Variants in DNAJB6 observed in about 807,000 individuals in gnomAD.
DNAJB6 encodes the protein dnaJ homolog subfamily B member 6.
DNAJB6 carries 16 observed loss-of-function variants against 42.7 expected under a neutral mutation model. That is an observed-to-expected ratio of 0.37 (90% CI 0.25 to 0.57). The LOEUF (loss-of-function observed/expected upper bound fraction) is 0.57, where lower values mean the gene tolerates loss of function less well. DNAJB6 is among the 20% of genes least tolerant of loss of function. The pLI is 0.74. For synonymous variants in DNAJB6, 170 were observed against 163.5 expected (o/e 1.04, Z -0.30); for missense variants, 347 against 416.8 (o/e 0.83, Z 1.46).
intron 2 of DNAJB6, 121 bp downstream of exon 2, chr7:157,358,758 C>T: frequency 1.3e-6 from 1 of 748,566 alleles, no homozygotes; most frequent in Non-Finnish European, 2.3e-6. Context: ...TCTTTGAATG[C>T]CACATAGTTT....
chr7:157,412,442 A>G, intron 9 of DNAJB6: 1 of 152,372 alleles, frequency 6.6e-6, no homozygotes, highest in Non-Finnish European at 1.5e-5. Context: ...ACAAAGTCAC[A>G]CGGGTGCAGA....
rs575303066 is a variant in DNAJB6, at chr7:157,339,601, T to G, written c.-27+2457T>G. On this transcript the variant is annotated intron_variant, in intron 1 of 9. Transcript: ENST00000262177. ...GGCATGAGCCACCGCGCCCGGCCTT[T>G]TGTGTGTGTGTGTGTGTGTGTGTGT... Among the ~76,000 whole-genome samples the G allele has an allele frequency of 3.6e-3, 435 of 122,430 alleles. 3 individuals carry two copies. The highest frequency in any genetic ancestry group is 0.025 in the East Asian group (97 of 3,884). 80.3% of individuals were successfully genotyped at this position (122,430 alleles called of 152,430 possible).
At chr7:157,373,213 C>G (rs1800304684) in intron 5 of DNAJB6, among the ~76,000 whole-genome samples, 1 of 152,162 alleles carries the variant, frequency 6.6e-6, no homozygotes, top group African/African-American at 2.4e-5. Flanking sequence ...CTAATTTAAT[C>G]TTTTTTGGGG....
intron 8 of DNAJB6, among the ~76,000 whole-genome samples, chr7:157,395,196 T>G (rs1277263777): frequency 6.6e-6 from 1 of 152,108 alleles, no homozygotes; most frequent in Non-Finnish European, 1.5e-5. Flanking sequence ...TTGAGAGCAC[T>G]ACGTTTAATG....
intron 5 of DNAJB6, among the ~76,000 whole-genome samples, chr7:157,375,678 T>C (rs1394243494): frequency 6.6e-6 from 1 of 152,216 alleles, no homozygotes; most frequent in Non-Finnish European, 1.5e-5. Context: ...TTGGCTCCCA[T>C]TGCGTGTTGT....
chr7:157,358,979 C>G (rs1183771342), intron 2 of DNAJB6, among the ~76,000 whole-genome samples: 2 of 152,172 alleles, frequency 1.3e-5, no homozygotes, highest in East Asian at 3.8e-4. Flanking sequence ...GTACATAGCA[C>G]TCAAATTTTC....
intron 8 of DNAJB6, among the ~76,000 whole-genome samples, chr7:157,394,441 A>T (rs1801489637): frequency 6.6e-6 from 1 of 151,424 alleles, no homozygotes; most frequent in Non-Finnish European, 1.5e-5. Flanking sequence ...AAGTGGGTGG[A>T]TCGCTTGAGC....
At chr7:157,363,653 C>A (rs1219579942) in intron 3 of DNAJB6, among the ~76,000 whole-genome samples, 1 of 152,122 alleles carries the variant, frequency 6.6e-6, no homozygotes, top group Non-Finnish European at 1.5e-5. Context: ...TAAACAATAC[C>A]ATTCCAGTGG....
At chr7:157,364,768 G>A (rs73497199) in intron 3 of DNAJB6, among the ~76,000 whole-genome samples, 3,589 of 152,234 alleles carry the variant, frequency 0.024, 153 homozygotes, top group East Asian at 0.18. Context: ...CTGAAAAGTC[G>A]CTTGGTTCTT....
chr7:157,368,216 A>AT (rs1299531880), intron 5 of DNAJB6, among the ~76,000 whole-genome samples: 30 of 152,196 alleles, frequency 2.0e-4, no homozygotes, highest in East Asian at 1.9e-4. Flanking sequence ...GGTTTAATGT[A>AT]TTTTTTTCTT....
intron 1 of DNAJB6, among the ~76,000 whole-genome samples, chr7:157,345,964 G>A (rs889164960): frequency 6.6e-6 from 1 of 152,060 alleles, no homozygotes; most frequent in African/African-American, 2.4e-5. Flanking sequence ...TCTGTAGGGT[G>A]GAGGGCTGGA....
intron 8 of DNAJB6, among the ~76,000 whole-genome samples, chr7:157,394,061 A>C (rs1251850760): frequency 6.6e-6 from 1 of 152,054 alleles, no homozygotes; most frequent in Non-Finnish European, 1.5e-5. Context: ...CTCATATCTT[A>C]TTATTATCCT....
At chr7:157,388,640 G>GC (rs896716338) in intron 8 of DNAJB6, among the ~76,000 whole-genome samples, 21 of 147,922 alleles carry the variant, frequency 1.4e-4, no homozygotes, top group South Asian at 6.6e-4. Context: ...ATAGCTTTTG[G>GC]GGGGGGGGTA....
chr7:157,415,025 C>G (rs1011240628), intron 9 of DNAJB6: 1 of 152,306 alleles, frequency 6.6e-6, no homozygotes, highest in African/African-American at 2.4e-5. Context: ...GGGCTGTGAG[C>G]AGGCACCTTC....
Position 157,392,679 on chromosome 7 carries a change from G to A in DNAJB6, c.691+7068G>A, listed in dbSNP as rs115200659. Among the ~76,000 whole-genome samples, 732 of 152,198 alleles carry A rather than the reference G, an allele frequency of 4.8e-3. 1 individual carries two copies. Among genetic ancestry groups the A allele is most frequent in the African/African-American group, 0.016 (679 of 41,520 alleles). ...GCTCGTTTCTAGGCCAGTCTTCGTC[G>A]TGCTTTCAAATGAAAGGTGCAGTCA... On this transcript the variant is annotated intron_variant, in intron 8 of 9. Transcript: ENST00000262177.
intron 6 of DNAJB6, among the ~76,000 whole-genome samples, chr7:157,383,562 C>T (rs1324819308): frequency 6.6e-6 from 1 of 151,788 alleles, no homozygotes; most frequent in Non-Finnish European, 1.5e-5. Context: ...TTAAAAATAC[C>T]ACGTAAATTG....
chr7:157,416,165 GCA>G lies in DNAJB6; in HGVS notation c.*71_*72del, dbSNP rs954402824. 6.4e-7 allele frequency: 1 copy of G among 1,573,202 alleles called. No homozygotes were observed. Among genetic ancestry groups the G allele is most frequent in the African/African-American group, 1.4e-5 (1 of 73,742 alleles). ...TCCACCGTGCTCGGCATGCGGTCGT[GCA>G]CACGCGCTAGGTAGCAGCGTCGGTC... On this transcript the variant is annotated 3_prime_UTR_variant, in exon 10 of 10. Coordinates refer to ENST00000262177, the MANE Select transcript of DNAJB6 (RefSeq NM_058246.4).
At chr7:157,351,657 A>ACAG (rs1563113453) in intron 1 of DNAJB6, among the ~76,000 whole-genome samples, 1 of 149,132 alleles carries the variant, frequency 6.7e-6, no homozygotes, top group South Asian at 2.1e-4. Flanking sequence ...AACAACAACA[A>ACAG]CAACAAAAAA....
chr7:157,339,326 C>T (rs1313013108), intron 1 of DNAJB6, among the ~76,000 whole-genome samples: 3 of 109,504 alleles, frequency 2.7e-5, no homozygotes, highest in African/African-American at 6.9e-5. Flanking sequence ...CGGAGTCTTG[C>T]TCTGTCGCCC....
Sources: allele counts gnomAD v4.1 joint callset (sites outside exome capture counted in the v4.1 genomes callset), GRCh38; gene constraint gnomAD v4.1.1; transcripts MANE v1.5; gene names NCBI Gene and HGNC (gene_info 2026-07-23, HGNC 2026-07-21).